The following FAT3 variants were observed in gnomAD, a reference collection of about 807,000 sequenced individuals.
The protein encoded by FAT3 is protocadherin Fat 3.
A neutral mutation model predicts 310.2 loss-of-function variants in FAT3; 95 were observed. The observed-to-expected ratio is 0.31, with a 90% confidence interval of 0.26 to 0.36. The LOEUF (loss-of-function observed/expected upper bound fraction) is 0.36. Among genes scored for constraint, FAT3 ranks in the 10% least tolerant of loss-of-function variants. The pLI is 1.00. For synonymous variants in FAT3, 2,314 were observed against 2,192.9 expected (o/e 1.06, Z -1.54); for missense variants, 5,408 against 5,715.6 (o/e 0.95, Z 1.74).
At chr11:92,488,682 C>A (rs1952507677) in intron 2 of FAT3, among the ~76,000 whole-genome samples, 1 of 151,972 alleles carries the variant, frequency 6.6e-6, no homozygotes, top group South Asian at 2.1e-4. Flanking sequence ...TTTGGATTAA[C>A]TTCTGATCTC....
chr11:92,549,351 C>T (rs1033689081), intron 3 of FAT3, among the ~76,000 whole-genome samples: 12 of 152,144 alleles, frequency 7.9e-5, no homozygotes, highest in African/African-American at 2.9e-4. Flanking sequence ...TTTTCTGCTG[C>T]TTTAATCATA....
chr11:92,649,225 G>A (rs75964284), intron 3 of FAT3, among the ~76,000 whole-genome samples: 6,542 of 152,228 alleles, frequency 0.043, 307 homozygotes, highest in East Asian at 0.21. Context: ...GTAGAGTTAT[G>A]AATCTTAAAA....
intron 3 of FAT3, among the ~76,000 whole-genome samples, chr11:92,536,706 T>C (rs1954270877): frequency 6.6e-6 from 1 of 152,186 alleles, no homozygotes; most frequent in South Asian, 2.1e-4. Flanking sequence ...TTACCTGGGT[T>C]CATTACATTT....
chr11:92,437,548 C>T (rs567017686), intron 2 of FAT3, among the ~76,000 whole-genome samples: 1 of 152,268 alleles, frequency 6.6e-6, no homozygotes, highest in South Asian at 2.1e-4. Context: ...TTGAAATATA[C>T]ACTCAATAAA....
rs151199195 is a variant in FAT3, at chr11:92,801,017, G to C, written c.8004G>C (p.Gln2668His). 10 of 1,613,676 alleles carry C rather than the reference G, an allele frequency of 6.2e-6. No homozygotes were observed. Among genetic ancestry groups the C allele is most frequent in the Non-Finnish European group, 5.9e-6 (7 of 1,179,766 alleles). Reference protein sequence around the residue: ...GWMVTKGNFNQLKNTVLSFFV... With the variant: ...GWMVTKGNFNHLKNTVLSFFV... Reference sequence around the variant, plus strand: ...TGGTCACAAAGGGTAATTTTAACCAGCTGAAAAATACAGTGCTTTCGTTCT... The same window carrying C: ...TGGTCACAAAGGGTAATTTTAACCACCTGAAAAATACAGTGCTTTCGTTCT... The change falls in exon 10 of 28, where the codon CAG becomes CAC. Residue 2668 changes from glutamine (Q) to histidine (H), a missense_variant. By Grantham distance (24) the Gln-to-His change is conservative. Transcript: ENST00000525166.
rs1001572412 is a variant in FAT3, at chr11:92,843,839, G to A, written c.10567-95G>A. The A allele has an allele frequency of 9.1e-5, 108 of 1,182,740 alleles. No individual in the cohort carries two copies. The African/African-American group carries it at 1.3e-3, about 14-fold the overall frequency. The allele number at this position is 1,182,740 out of a possible 1,614,324, so 73.3% of individuals were successfully genotyped here. ...GCAAGGAATGAAGGAAGAAGCAAAC[G>A]TAAAGGTACAGACGTCTTCTATCTG... On this transcript the variant is annotated intron_variant, in intron 18 of 27. Transcript: ENST00000525166.
chr11:92,504,457 T>G (rs550191688), intron 2 of FAT3, among the ~76,000 whole-genome samples: 4 of 152,170 alleles, frequency 2.6e-5, no homozygotes, highest in Admixed American at 2.6e-4. Context: ...TACTTAGGGG[T>G]TTAATATTGG....
intron 2 of FAT3, among the ~76,000 whole-genome samples, chr11:92,425,426 C>T (rs1382284915): frequency 3.9e-5 from 6 of 151,918 alleles, no homozygotes; most frequent in African/African-American, 7.3e-5. Context: ...CTGGGATACA[C>T]GTACAGAACG....
At chr11:92,672,445 C>A (rs888688941) in intron 3 of FAT3, among the ~76,000 whole-genome samples, 1 of 152,146 alleles carries the variant, frequency 6.6e-6, no homozygotes, top group Non-Finnish European at 1.5e-5. Flanking sequence ...TTGCTGAAGA[C>A]CCTTCCCTTT....
intron 2 of FAT3, among the ~76,000 whole-genome samples, chr11:92,517,312 C>G (rs1352579309): frequency 6.6e-6 from 1 of 151,954 alleles, no homozygotes; most frequent in Non-Finnish European, 1.5e-5. Context: ...GAACAGAGGC[C>G]CCAGAAATAA....
At chr11:92,610,703 A>T (rs551455934) in intron 3 of FAT3, among the ~76,000 whole-genome samples, 6 of 152,260 alleles carry the variant, frequency 3.9e-5, no homozygotes, top group African/African-American at 1.4e-4. Context: ...TTTTGCACTT[A>T]TCATAATTGA....
intron 3 of FAT3, among the ~76,000 whole-genome samples, chr11:92,617,394 GT>G (rs1309859134): frequency 4.6e-5 from 7 of 152,176 alleles, no homozygotes; most frequent in Admixed American, 2.0e-4. Flanking sequence ...TTTCTTCAAG[GT>G]TTTTAGCTTC....
chr11:92,569,624 T>G (rs1197479519), intron 3 of FAT3, among the ~76,000 whole-genome samples: 1 of 152,214 alleles, frequency 6.6e-6, no homozygotes, highest in African/African-American at 2.4e-5. Context: ...GGCACTCATG[T>G]AATTTTTGTT....
At position 92,809,738 on chromosome 11, in the gene FAT3, A is replaced by C. The variant is rs188462109; in HGVS notation, c.9248-105A>C. On this transcript the variant is annotated intron_variant, in intron 12 of 27. Transcript: ENST00000525166. ...TGGGACACTTGGGCCAAATGATGTT[A>C]GTCCTTCCTATGTTGAGAATTGTTT... is the stretch of plus-strand genomic sequence containing the variant. The C allele has an allele frequency of 9.1e-5, 73 of 805,474 alleles. 1 individual carries two copies. In the Admixed American group the frequency reaches 1.3e-3, roughly 14 times the overall value. 49.9% of individuals were successfully genotyped at this position (805,474 alleles called of 1,614,324 possible).
At chr11:92,667,153 A>C (rs770950769) in intron 3 of FAT3, among the ~76,000 whole-genome samples, 1 of 152,158 alleles carries the variant, frequency 6.6e-6, no homozygotes, top group African/African-American at 2.4e-5. Flanking sequence ...TGTAACTTTC[A>C]TATCTGTGAT....
chr11:92,658,462 G>T (rs1377478681), intron 3 of FAT3, among the ~76,000 whole-genome samples: 1 of 152,128 alleles, frequency 6.6e-6, no homozygotes, highest in African/African-American at 2.4e-5. Context: ...GTGGGGTGAG[G>T]CAGGGTCTCA....
chr11:92,806,670 G>T (rs1003378268), intron 12 of FAT3, among the ~76,000 whole-genome samples, 155 bp downstream of exon 12: 13 of 152,140 alleles, frequency 8.5e-5, no homozygotes, highest in Non-Finnish European at 1.5e-4. Context: ...AATGTTTGCT[G>T]AAATGAACTG....
chr11:92,288,290 G>A (rs1209992625), intron 1 of FAT3, among the ~76,000 whole-genome samples: 1 of 152,122 alleles, frequency 6.6e-6, no homozygotes, highest in Non-Finnish European at 1.5e-5. Context: ...GGTCTCAAGG[G>A]CAGGGAGAGT....
intron 22 of FAT3, among the ~76,000 whole-genome samples, chr11:92,874,525 AGTTTAAACTCAATCTCTTACTAAT>A (rs1317227853): frequency 3.3e-5 from 5 of 152,226 alleles, no homozygotes; most frequent in Admixed American, 2.6e-4. Flanking sequence ...CCTAGAGTCA[AGTTTAAACTCAATCTCTTACTAAT>A]GTATGTTGAG....
Sources: gnomAD v4.1 joint callset for allele counts (sites outside exome capture counted in the v4.1 genomes callset) on GRCh38, gnomAD v4.1.1 for gene constraint, MANE v1.5 for transcripts, NCBI Gene and HGNC (gene_info 2026-07-23, HGNC 2026-07-21) for gene names.